Variants in GALNTL6 observed in about 807,000 individuals in gnomAD.
GALNTL6 encodes the protein polypeptide N-acetylgalactosaminyltransferase-like 6.
A neutral mutation model predicts 73.7 loss-of-function variants in GALNTL6; 46 were observed. The observed-to-expected ratio is 0.62, with a 90% CI of 0.49 to 0.80. The LOEUF (loss-of-function observed/expected upper bound fraction) is 0.80, where lower values mean the gene tolerates loss of function less well. Ranked by LOEUF, GALNTL6 falls within the 30% of genes least tolerant of loss-of-function variation. GALNTL6 has a pLI of 0.00. For synonymous variants in GALNTL6, 259 were observed against 263.7 expected (o/e 0.98, Z 0.17); for missense variants, 604 against 755.0 (o/e 0.80, Z 2.34).
At chr4:172,947,137 A>G (rs1195683692) in intron 9 of GALNTL6, among the ~76,000 whole-genome samples, 4 of 152,154 alleles carry the variant, frequency 2.6e-5, no homozygotes, top group East Asian at 1.9e-4. Flanking sequence ...ATTATCATCT[A>G]TGCTGTTTTG....
chr4:172,297,485 TTAGGTCTAACATA>T, intron 3 of GALNTL6, among the ~76,000 whole-genome samples: 1 of 152,318 alleles, frequency 6.6e-6, no homozygotes, highest in Non-Finnish European at 1.5e-5. Flanking sequence ...TTTTATGGTT[TTAGGTCTAACATA>T]TAAGTCTTTA....
At chr4:172,599,422 G>A (rs1560828738) in intron 5 of GALNTL6, among the ~76,000 whole-genome samples, 1 of 152,040 alleles carries the variant, frequency 6.6e-6, no homozygotes, top group Non-Finnish European at 1.5e-5. Flanking sequence ...TCTAACTTGG[G>A]AAAAATATTT....
chr4:172,983,914 TC>T (rs558318810), intron 10 of GALNTL6, among the ~76,000 whole-genome samples: 24 of 149,576 alleles, frequency 1.6e-4, no homozygotes, highest in Non-Finnish European at 3.1e-4. Flanking sequence ...CTGAGACATC[TC>T]CCGGTTGATT....
chr4:172,025,723 T>C (rs1042573334), intron 2 of GALNTL6, among the ~76,000 whole-genome samples: 1 of 152,018 alleles, frequency 6.6e-6, no homozygotes, highest in Non-Finnish European at 1.5e-5. Context: ...TACCTTTTTA[T>C]TGGGCTTTGG....
chr4:172,274,571 T>C (rs1738765167), intron 3 of GALNTL6, among the ~76,000 whole-genome samples: 2 of 152,298 alleles, frequency 1.3e-5, no homozygotes, highest in African/African-American at 4.8e-5. Flanking sequence ...TCAGAGTGTT[T>C]GATCTATCTC....
chr4:172,739,307 C>A (rs1370575), intron 5 of GALNTL6, among the ~76,000 whole-genome samples: 1 of 152,142 alleles, frequency 6.6e-6, no homozygotes, highest in South Asian at 2.1e-4. Flanking sequence ...ATGTAACTTT[C>A]TAAGGTATGT....
intron 7 of GALNTL6, among the ~76,000 whole-genome samples, chr4:172,834,353 A>G (rs1742797549): frequency 6.6e-6 from 1 of 152,188 alleles, no homozygotes. Flanking sequence ...CTATATGTGG[A>G]GCAGTCCCAA....
At chr4:172,444,345 G>A (rs1731942473) in intron 5 of GALNTL6, among the ~76,000 whole-genome samples, 1 of 152,168 alleles carries the variant, frequency 6.6e-6, no homozygotes, top group Admixed American at 6.5e-5. Context: ...TATTTATTGT[G>A]CTACTTCGTG....
intron 2 of GALNTL6, among the ~76,000 whole-genome samples, chr4:172,015,468 C>G (rs1741160221): frequency 6.6e-6 from 1 of 152,036 alleles, no homozygotes; most frequent in South Asian, 2.1e-4. Context: ...TTGAAGACAG[C>G]AGATACTTGG....
chr4:172,959,296 C>T (rs917258623), intron 10 of GALNTL6, among the ~76,000 whole-genome samples: 3 of 151,914 alleles, frequency 2.0e-5, no homozygotes, highest in African/African-American at 7.3e-5. Context: ...GGCTATAGCC[C>T]AGGAATAGTC....
intron 10 of GALNTL6, among the ~76,000 whole-genome samples, chr4:172,975,065 G>C (rs1561065176): frequency 6.6e-6 from 1 of 152,216 alleles, no homozygotes; most frequent in Non-Finnish European, 1.5e-5. Flanking sequence ...GCAAGCAGGG[G>C]ATGGGTGTGT....
At chr4:172,309,681 G>A (rs929379589) in intron 3 of GALNTL6, among the ~76,000 whole-genome samples, 1 of 151,816 alleles carries the variant, frequency 6.6e-6, no homozygotes, top group African/African-American at 2.4e-5. Flanking sequence ...GAAAGAGGAG[G>A]CAAAAATATT....
At chr4:172,036,873 G>A (rs1475209897) in intron 2 of GALNTL6, among the ~76,000 whole-genome samples, 1 of 151,904 alleles carries the variant, frequency 6.6e-6, no homozygotes. Context: ...ATCTCTTTTG[G>A]GGACTATTCT....
chr4:172,655,343 C>T (rs999779636), intron 5 of GALNTL6, among the ~76,000 whole-genome samples: 2 of 152,084 alleles, frequency 1.3e-5, no homozygotes, highest in Admixed American at 6.6e-5. Context: ...GCACTCACAG[C>T]CATCAAATCT....
chr4:172,749,119 C>T (rs942096138), intron 5 of GALNTL6, among the ~76,000 whole-genome samples: 1 of 151,532 alleles, frequency 6.6e-6, no homozygotes, highest in Admixed American at 6.6e-5. Context: ...GAAGAAGTTT[C>T]ACCATGTTAT....
chr4:172,762,078 A>C (rs1189836972), intron 5 of GALNTL6, among the ~76,000 whole-genome samples: 1 of 152,238 alleles, frequency 6.6e-6, no homozygotes, highest in Non-Finnish European at 1.5e-5. Context: ...TTTCCAATTA[A>C]AAAAAATTCT....
chr4:172,666,487 CAA>C (rs2111192944), intron 5 of GALNTL6, among the ~76,000 whole-genome samples: 1 of 152,240 alleles, frequency 6.6e-6, no homozygotes, highest in East Asian at 1.9e-4. Flanking sequence ...AAATCTCACA[CAA>C]AGACTGCACA....
intron 2 of GALNTL6, among the ~76,000 whole-genome samples, chr4:171,922,094 T>TG (rs1369389458): frequency 8.6e-5 from 13 of 151,570 alleles, no homozygotes; most frequent in African/African-American, 3.2e-4. Flanking sequence ...GTGTGTGTGG[T>TG]GTGTGTGTTT....
At chr4:172,442,655 A>G (rs905629592) in intron 5 of GALNTL6, among the ~76,000 whole-genome samples, 47 of 152,114 alleles carry the variant, frequency 3.1e-4, no homozygotes, top group African/African-American at 1.1e-3. Context: ...TGCCTTGCTT[A>G]CTCTAAAGTG....
Sources: allele counts gnomAD v4.1 joint callset (sites outside exome capture counted in the v4.1 genomes callset), GRCh38; gene constraint gnomAD v4.1.1; transcripts MANE v1.5; gene names NCBI Gene and HGNC (gene_info 2026-07-23, HGNC 2026-07-21).